CLUL1: variants seen among roughly 807,000 people sequenced by gnomAD.
CLUL1 encodes clusterin-like protein 1.
CLUL1 carries 43 observed loss-of-function variants against 49.4 expected under a neutral mutation model. The observed-to-expected ratio is 0.87, with a 90% CI of 0.68 to 1.12. The LOEUF (loss-of-function observed/expected upper bound fraction) is 1.12, where lower values mean the gene tolerates loss of function less well. CLUL1 is among the 50% of genes most tolerant of loss of function. The pLI is 0.00. For synonymous variants in CLUL1, 192 were observed against 184.9 expected, an observed-to-expected ratio of 1.04 and a Z score of -0.31; for missense variants, 486 against 544.4, an observed-to-expected ratio of 0.89 and a Z score of 1.07.
At chr18:639,515 C>T (rs1336230955) in intron 7 of CLUL1, among the ~76,000 whole-genome samples, 1 of 151,134 alleles carries the variant, frequency 6.6e-6, no homozygotes, top group Admixed American at 6.6e-5. Flanking sequence ...CCTGTAATCC[C>T]AGCACTTTGG....
chr18:631,036 T>G (rs2073981420), intron 6 of CLUL1, among the ~76,000 whole-genome samples: 1 of 152,186 alleles, frequency 6.6e-6, no homozygotes, highest in South Asian at 2.1e-4. Context: ...ACTGAGCAAG[T>G]TCCGTGTGGC....
intron 1 of CLUL1, among the ~76,000 whole-genome samples, chr18:600,546 C>A (rs942247860): frequency 6.6e-6 from 1 of 152,012 alleles, no homozygotes; most frequent in East Asian, 1.9e-4. Flanking sequence ...GAAGGCTTGG[C>A]GAGGTGTTTG....
chr18:602,368 G>A (rs1052838310), intron 1 of CLUL1, among the ~76,000 whole-genome samples: 1 of 152,192 alleles, frequency 6.6e-6, no homozygotes, highest in East Asian at 1.9e-4. Flanking sequence ...TCCAGGAAGG[G>A]GGGCTGGATC....
intron 8 of CLUL1, among the ~76,000 whole-genome samples, chr18:644,611 G>A (rs980249531): frequency 6.6e-6 from 1 of 152,200 alleles, no homozygotes; most frequent in African/African-American, 2.4e-5. Context: ...GCCTATGTGT[G>A]CTCATCTATT....
chr18:625,876 C>T (rs1287625675), intron 5 of CLUL1, among the ~76,000 whole-genome samples: 3 of 152,156 alleles, frequency 2.0e-5, no homozygotes, highest in East Asian at 1.9e-4. Flanking sequence ...AGTTAATTTG[C>T]CTCCACTATT....
chr18:619,252 T>C lies in CLUL1; in HGVS notation c.146T>C (p.Val49Ala). The C allele has an allele frequency of 1.9e-6, 3 of 1,613,802 alleles. No individual in the cohort carries two copies. The highest frequency in any genetic ancestry group is 1.3e-5 in the African/African-American group (1 of 74,926). The change falls in exon 4 of 10, where the codon GTG becomes GCG. Residue 49 changes from valine (V) to alanine (A), a missense_variant. Transcript: ENST00000692774. The part of the protein sequence containing the change: ...EVGEIDADEE[V>A]KKALTGIKQM... ...GGGGAGATAGATGCAGATGAAGAGG[T>C]GAAGAAGGCTTTGACTGGTATTAAG...
At chr18:604,468 G>A (rs2072914631) in intron 1 of CLUL1, among the ~76,000 whole-genome samples, 1 of 152,192 alleles carries the variant, frequency 6.6e-6, no homozygotes, top group Admixed American at 6.5e-5. Context: ...GGCATAAGTA[G>A]TAAAAAGTAA....
intron 9 of CLUL1, among the ~76,000 whole-genome samples, chr18:645,613 G>A (rs926975467): frequency 1.3e-5 from 2 of 150,710 alleles, no homozygotes; most frequent in Admixed American, 6.6e-5. Flanking sequence ...GGATAACACG[G>A]AGAAACTGCG....
At chr18:637,094 C>T (rs1346264011) in intron 7 of CLUL1, among the ~76,000 whole-genome samples, 1 of 151,872 alleles carries the variant, frequency 6.6e-6, no homozygotes, top group Non-Finnish European at 1.5e-5. Flanking sequence ...TCATGCCATT[C>T]TCCTGCCTCA....
rs2074634110 is a variant in CLUL1, at chr18:650,056, T to G, written c.*155T>G. On this transcript the variant is annotated 3_prime_UTR_variant, in exon 10 of 10. Transcript: ENST00000692774. ...GTACTCTTAGTTTACTTATGTTGAA[T>G]GGCTTAGCTATTAATACTCAAATTG... 6 of 541,088 alleles carry G rather than the reference T, an allele frequency of 1.1e-5. No homozygotes were observed. The East Asian group carries it at 1.7e-4, about 15-fold the overall frequency. 33.5% of individuals were successfully genotyped at this position (541,088 alleles called of 1,614,324 possible). A position where few individuals can be genotyped will look rare whatever the true frequency, so the allele number is the denominator to read the frequency against.
intron 8 of CLUL1, among the ~76,000 whole-genome samples, chr18:644,008 A>G (rs1323331143): frequency 6.6e-6 from 1 of 152,248 alleles, no homozygotes; most frequent in Non-Finnish European, 1.5e-5. Flanking sequence ...CTATTTCACC[A>G]TGTAAAGAAA....
rs1179877315 is a variant in CLUL1, at chr18:627,283, C to T, written c.610C>T (p.Gln204Ter). 1 of 1,614,036 alleles carries T rather than the reference C, an allele frequency of 6.2e-7. No individual in the cohort carries two copies. The highest frequency in any genetic ancestry group is 8.5e-7 in the Non-Finnish European group (1 of 1,179,990). Residue 204 changes from glutamine to a stop codon, truncating the protein, a stop_gained, in exon 6 of 10, where the codon CAG (glutamine) becomes TAG (stop). Transcript: ENST00000692774. LOFTEE classifies it high-confidence loss of function. Reference protein sequence around the residue: ...LFNRSFNVFRQMQQEFDQTFQ... With the variant: ...LFNRSFNVFR ...TAACAGGAGTTTTAACGTCTTCAGA[C>T]AGATGCAGCAAGAGTTTGACCAGAC...
chr18:641,907 A>G (rs2074355000), intron 8 of CLUL1, among the ~76,000 whole-genome samples: 2 of 152,220 alleles, frequency 1.3e-5, no homozygotes, highest in Non-Finnish European at 2.9e-5. Flanking sequence ...TCTGAAACTT[A>G]CCAGCTGAGT....
At chr18:636,588 TAAACC>T (rs1372373019) in intron 7 of CLUL1, among the ~76,000 whole-genome samples, 5 of 151,504 alleles carry the variant, frequency 3.3e-5, no homozygotes, top group African/African-American at 1.2e-4. Context: ...GAGTGGTTAG[TAAACC>T]TGTTTAGAGT....
At chr18:639,984 C>G (rs1487562708) in intron 7 of CLUL1, among the ~76,000 whole-genome samples, 2 of 152,052 alleles carry the variant, frequency 1.3e-5, no homozygotes, top group Non-Finnish European at 2.9e-5. Context: ...GAAAGGGCAA[C>G]TAAACTGTAA....
rs181398120 is a variant in CLUL1 at position 619,564 on chromosome 18, A to G, written c.255+203A>G. Reference sequence around the variant, plus strand: ...TAGGATAGGCTTCTGCAAGACTCCAACCCGGAATCTGGGGGATTCATCTCT... The same window carrying G: ...TAGGATAGGCTTCTGCAAGACTCCAGCCCGGAATCTGGGGGATTCATCTCT... On this transcript the variant is annotated intron_variant, in intron 4 of 9. Coordinates refer to ENST00000692774, the MANE Select transcript of CLUL1 (RefSeq NM_001393344.1). Among the ~76,000 whole-genome samples the G allele has an allele frequency of 2.7e-3, 416 of 152,098 alleles. 1 individual carries two copies. Among genetic ancestry groups the G allele is most frequent in the Non-Finnish European group, 4.1e-3 (278 of 67,990 alleles).
At chr18:622,660 GT>G (rs1172879909) in intron 4 of CLUL1, among the ~76,000 whole-genome samples, 1 of 152,250 alleles carries the variant, frequency 6.6e-6, no homozygotes, top group East Asian at 1.9e-4. Flanking sequence ...TTTGGTAACT[GT>G]TTTTTGTCCT....
chr18:606,703 C>T lies in CLUL1; in HGVS notation c.-135-275C>T, dbSNP rs2072982174. Among the ~76,000 whole-genome samples the T allele has an allele frequency of 1.3e-5, 2 of 152,082 alleles. No homozygotes were observed. The highest frequency in any genetic ancestry group is 6.6e-5 in the Admixed American group (1 of 15,260). On this transcript the variant is annotated intron_variant, in intron 1 of 9. Coordinates refer to ENST00000692774, the MANE Select transcript of CLUL1 (RefSeq NM_001393344.1). The surrounding 1 kb of genome is among the most constrained non-coding windows in gnomAD (Gnocchi z 4.1). ...TCTTCTCAAATGAAAGAGATTTTATCAAAGGCTTGGAGAAGAAAAGAAAAA... is the reference window on the plus strand; with the variant it reads ...TCTTCTCAAATGAAAGAGATTTTATTAAAGGCTTGGAGAAGAAAAGAAAAA...
chr18:609,490 G>A (rs1180771031), intron 2 of CLUL1, among the ~76,000 whole-genome samples: 1 of 152,032 alleles, frequency 6.6e-6, no homozygotes, highest in Non-Finnish European at 1.5e-5. Flanking sequence ...CATCACATGA[G>A]GTTAAGTGTA....
Sources: allele counts gnomAD v4.1 joint callset (sites outside exome capture counted in the v4.1 genomes callset), GRCh38; gene constraint gnomAD v4.1.1; non-coding constraint Gnocchi (gnomAD v3.1); transcripts MANE v1.5; gene names NCBI Gene and HGNC (gene_info 2026-07-23, HGNC 2026-07-21).